Variants in RGS12 observed in about 807,000 individuals in gnomAD.
RGS12 encodes the protein regulator of G protein signaling 12.
Under a neutral mutation model 120.1 loss-of-function variants are expected in RGS12, and 66 were observed. The observed-to-expected ratio is 0.55, with a 90% CI of 0.45 to 0.67. The LOEUF (loss-of-function observed/expected upper bound fraction) is 0.67. Ranked by LOEUF, RGS12 falls within the 30% of genes least tolerant of loss-of-function variation. The pLI, the probability that RGS12 is intolerant of heterozygous loss-of-function variation, is 0.00. For missense variants in RGS12, 1,859 were observed against 1,957.7 expected, an observed-to-expected ratio of 0.95 and a Z score of 0.95; for synonymous variants, 827 against 804.7, an observed-to-expected ratio of 1.03 and a Z score of -0.47.
intron 1 of RGS12, among the ~76,000 whole-genome samples, chr4:3,299,427 C>T (rs1231160693): frequency 1.3e-5 from 2 of 152,140 alleles, no homozygotes; most frequent in Non-Finnish European, 1.5e-5. Flanking sequence ...GTGCAGCTCT[C>T]TCCTTTCAGG....
intron 1 of RGS12, among the ~76,000 whole-genome samples, chr4:3,304,618 A>G (rs1448759502): frequency 1.3e-5 from 2 of 152,162 alleles, no homozygotes; most frequent in East Asian, 1.9e-4. Flanking sequence ...TTGTGAGATT[A>G]TGATCAGTTC....
chr4:3,332,911 G>A (rs777298407), intron 2 of RGS12, among the ~76,000 whole-genome samples: 1 of 151,946 alleles, frequency 6.6e-6, no homozygotes, highest in East Asian at 1.9e-4. Context: ...TGCAACCTCC[G>A]CCTCCCTGGG....
At chr4:3,346,231 G>A (rs996257262) in intron 3 of RGS12, among the ~76,000 whole-genome samples, 3 of 152,162 alleles carry the variant, frequency 2.0e-5, no homozygotes, top group African/African-American at 7.2e-5. Context: ...TTGTATTAGG[G>A]ATGTTCCCAA....
the RGS12 span, among the ~76,000 whole-genome samples, chr4:3,287,135 G>A: frequency 2.6e-5 from 4 of 152,212 alleles, no homozygotes; most frequent in Non-Finnish European, 5.9e-5. Context: ...ACTGAACAGC[G>A]GAAGAGCGAG....
At chr4:3,356,125 C>G (rs922806268) in intron 3 of RGS12, among the ~76,000 whole-genome samples, 1 of 146,468 alleles carries the variant, frequency 6.8e-6, no homozygotes, top group African/African-American at 2.5e-5. Flanking sequence ...GTAATCTTGG[C>G]TCACTGCAAC....
At chr4:3,352,472 T>C (rs1360508586) in intron 3 of RGS12, among the ~76,000 whole-genome samples, 1 of 151,818 alleles carries the variant, frequency 6.6e-6, no homozygotes, top group Non-Finnish European at 1.5e-5. Context: ...AAATAACAAA[T>C]AGGGAGGGAG....
intron 1 of RGS12, among the ~76,000 whole-genome samples, chr4:3,304,052 A>G (rs1362924823): frequency 1.3e-5 from 2 of 152,190 alleles, no homozygotes; most frequent in East Asian, 1.9e-4. Flanking sequence ...GAGACTGACA[A>G]TGGAAGAGGA....
chr4:3,387,506 T>C (rs112440858), intron 4 of RGS12, among the ~76,000 whole-genome samples: 6 of 152,314 alleles, frequency 3.9e-5, no homozygotes, highest in African/African-American at 1.4e-4. Flanking sequence ...GAGCATATCT[T>C]GGGTTACACA....
chr4:3,359,865 C>T (rs191200560), intron 3 of RGS12, among the ~76,000 whole-genome samples: 6 of 152,110 alleles, frequency 3.9e-5, no homozygotes, highest in East Asian at 1.9e-4. Context: ...TCAGGTGATC[C>T]GCCCACCTCA....
At chr4:3,420,997 A>C (rs1363325257) in intron 10 of RGS12, among the ~76,000 whole-genome samples, 2 of 152,214 alleles carry the variant, frequency 1.3e-5, no homozygotes, top group African/African-American at 4.8e-5. Context: ...GTATCTTTGG[A>C]TTTATTTCTT....
At chr4:3,432,260 T>G in intron 17 of RGS12, 1 of 791,820 alleles carries the variant, frequency 1.3e-6, no homozygotes. Flanking sequence ...AGGGGAAATA[T>G]CACACATTTT....
chr4:3,315,551 G>A (rs1393823393), intron 1 of RGS12, among the ~76,000 whole-genome samples: 1 of 152,220 alleles, frequency 6.6e-6, no homozygotes, highest in Non-Finnish European at 1.5e-5. Context: ...TCTCCTGAGG[G>A]AAAACTCTAT....
intron 3 of RGS12, among the ~76,000 whole-genome samples, chr4:3,375,790 C>T (rs956690533): frequency 6.6e-6 from 1 of 152,220 alleles, no homozygotes; most frequent in Non-Finnish European, 1.5e-5. Flanking sequence ...GGGATGAGCT[C>T]CTGGTGGCCA....
At chr4:3,318,807 A>G (rs1342961241) in intron 2 of RGS12, among the ~76,000 whole-genome samples, 5 of 151,966 alleles carry the variant, frequency 3.3e-5, no homozygotes, top group African/African-American at 1.2e-4. Context: ...GGTGCAGGGA[A>G]CCCTCTGGAA....
intron 1 of RGS12, among the ~76,000 whole-genome samples, chr4:3,309,995 G>T (rs55654819): frequency 5.1e-4 from 69 of 135,964 alleles, no homozygotes; most frequent in Non-Finnish European, 6.5e-4. Flanking sequence ...GCAGGTGTCC[G>T]CTGAGGGGAA....
At chr4:3,386,324 T>G (rs1718850690) in intron 3 of RGS12, 92 bp from the exon 4 acceptor site, 1 of 1,232,456 alleles carries the variant, frequency 8.1e-7, no homozygotes. Context: ...CCTCCCAGAG[T>G]CTGCCCCTTG....
At chr4:3,307,582 C>A (rs1218281807) in intron 1 of RGS12, among the ~76,000 whole-genome samples, 2 of 152,212 alleles carry the variant, frequency 1.3e-5, no homozygotes, top group African/African-American at 4.8e-5. Flanking sequence ...ATGTTTCAGT[C>A]AAATAGGTTC....
intron 4 of RGS12, 39 bp from the exon 5 acceptor site, chr4:3,414,020 TGGGCCGGGGCGGA>T: frequency 3.4e-6 from 5 of 1,477,504 alleles, no homozygotes; most frequent in Non-Finnish European, 4.5e-6. Context: ...GAGCAGTCAC[TGGGCCGGGGCGGA>T]GGGCAGGGGT....
chr4:3,439,528 G>A lies in RGS12; in HGVS notation c.4188G>A (p.Ala1396=), dbSNP rs200710766. The A allele has an allele frequency of 5.0e-6, 8 of 1,612,706 alleles. No individual in the cohort carries two copies. Among genetic ancestry groups the A allele is most frequent in the East Asian group, 4.5e-5 (2 of 44,854 alleles). The part of the protein sequence containing the change: ...IIDVDLVTGS[A]PGRDGGIAGA... ...ATGTGGATCTTGTAACTGGCTCGGC[G>A]CCCGGGCGGGATGGTGGCATAGCGG... Residue 1396 remains alanine (A), a synonymous_variant, in exon 18 of 18, where the codon GCG becomes GCA. Transcript: ENST00000336727.
Sources: allele counts gnomAD v4.1 joint callset (sites outside exome capture counted in the v4.1 genomes callset), GRCh38; gene constraint gnomAD v4.1.1; transcripts MANE v1.5; gene names NCBI Gene and HGNC (gene_info 2026-07-23, HGNC 2026-07-21).